Variants in PLXNA2 observed in about 807,000 individuals in gnomAD.
The protein encoded by PLXNA2 is plexin A2.
Under a neutral mutation model 193.5 loss-of-function variants are expected in PLXNA2, and 91 were observed. The observed-to-expected ratio is 0.47, with a 90% CI of 0.40 to 0.56. The LOEUF is 0.56. PLXNA2 is among the 20% of genes least tolerant of loss of function. PLXNA2 has a pLI of 0.00. For missense variants in PLXNA2, 1,995 were observed against 2,503.2 expected, an observed-to-expected ratio of 0.80 and a Z score of 4.33; for synonymous variants, 997 against 1,027.3, an observed-to-expected ratio of 0.97 and a Z score of 0.56.
chr1:208,187,207 C>A (rs1670036528), intron 3 of PLXNA2, among the ~76,000 whole-genome samples: 1 of 152,134 alleles, frequency 6.6e-6, no homozygotes, highest in Admixed American at 6.5e-5. Context: ...TAGTGACTGT[C>A]ATGAGGATTA....
rs1173447905 is a variant in PLXNA2 at position 208,224,313 on chromosome 1, G to A, written c.-80-6311C>T. 2.0e-5 allele frequency among the ~76,000 whole-genome samples: 3 copies of A among 147,090 alleles called. No individual in the cohort carries two copies. The East Asian group carries it at 6.2e-4, about 31-fold the overall frequency. ...GCGTCTATAATATTATTATTCAAAT[G>A]CCCATGATTCTCATTGAGAACCAAG... On this transcript the variant is annotated intron_variant, in intron 1 of 31. Transcript: ENST00000367033.
intron 3 of PLXNA2, among the ~76,000 whole-genome samples, chr1:208,209,703 T>G (rs1670863578): frequency 6.6e-6 from 1 of 152,098 alleles, no homozygotes; most frequent in South Asian, 2.1e-4. Flanking sequence ...AGCTTACATC[T>G]GGGTGGGGAG....
At chr1:208,218,101 G>T (rs980279620) in intron 1 of PLXNA2, 99 bp from the exon 2 acceptor site, 2 of 975,566 alleles carry the variant, frequency 2.1e-6, no homozygotes, top group Non-Finnish European at 3.0e-6. Context: ...TTAGCTCTGT[G>T]AGTCTCCTCC....
At chr1:208,227,307 T>C (rs1671542751) in intron 1 of PLXNA2, among the ~76,000 whole-genome samples, 1 of 152,202 alleles carries the variant, frequency 6.6e-6, no homozygotes, top group Admixed American at 6.5e-5. Context: ...CTATGCTACA[T>C]GCCCTGTATA....
chr1:208,063,746 T>G (rs879209581), intron 12 of PLXNA2, among the ~76,000 whole-genome samples: 1 of 152,174 alleles, frequency 6.6e-6, no homozygotes, highest in Admixed American at 6.5e-5. Flanking sequence ...ACACAGCTTA[T>G]AGCTTCCTTG....
Position 208,109,808 on chromosome 1 carries a change from C to T in PLXNA2, c.1507-6561G>A, listed in dbSNP as rs969792536. 7.2e-5 allele frequency among the ~76,000 whole-genome samples: 11 copies of T among 152,272 alleles called. No individual in the cohort carries two copies. In the East Asian group the frequency reaches 7.7e-4, roughly 11 times the overall value. On this transcript the variant is annotated intron_variant, in intron 4 of 31. Transcript: ENST00000367033. ...TGGCCCAGGAGTCCACTGCGAGATC[C>T]GAGGCAAGAGCAGAGCGGGGATCAG...
chr1:208,113,399 G>A (rs1291389377), intron 4 of PLXNA2, among the ~76,000 whole-genome samples: 1 of 152,162 alleles, frequency 6.6e-6, no homozygotes, highest in East Asian at 1.9e-4. Flanking sequence ...CACAGAGCTT[G>A]ACTTCTTCCA....
intron 3 of PLXNA2, among the ~76,000 whole-genome samples, chr1:208,160,329 G>A (rs1468996373): frequency 6.6e-6 from 1 of 152,200 alleles, no homozygotes; most frequent in Non-Finnish European, 1.5e-5. Flanking sequence ...ATAAGGTTCT[G>A]GGTTCAAGTT....
At chr1:208,126,625 A>G (rs1558205756) in intron 4 of PLXNA2, among the ~76,000 whole-genome samples, 1 of 152,192 alleles carries the variant, frequency 6.6e-6, no homozygotes, top group Non-Finnish European at 1.5e-5. Context: ...AGGCTTAATG[A>G]GGACAGGTAA....
At chr1:208,220,834 C>T (rs1671306187) in intron 1 of PLXNA2, among the ~76,000 whole-genome samples, 1 of 152,166 alleles carries the variant, frequency 6.6e-6, no homozygotes. Flanking sequence ...CTTCCTTTCC[C>T]ACCCACAATG....
At chr1:208,130,004 T>G (rs1441342770) in intron 4 of PLXNA2, among the ~76,000 whole-genome samples, 1 of 152,206 alleles carries the variant, frequency 6.6e-6, no homozygotes, top group African/African-American at 2.4e-5. Flanking sequence ...CCCAGACTGT[T>G]TGCTAAGTCA....
At position 208,217,833 on chromosome 1, in the gene PLXNA2, G is replaced by C; in HGVS notation, c.90C>G (p.Pro30=). 1.2e-6 allele frequency: 2 copies of C among 1,614,076 alleles called. No homozygotes were observed. The highest frequency in any genetic ancestry group is 8.5e-7 in the Non-Finnish European group (1 of 1,180,024). The change falls in exon 2 of 32, where the codon CCC becomes CCG. Residue 30 remains proline, a synonymous_variant. Transcript: ENST00000367033. The surrounding 1 kb of genome is among the most constrained non-coding windows in gnomAD (Gnocchi z 4.7). The part of the protein sequence containing the change: ...LLSVVWVLLA[P]PAAGMPQFST... ...TGAACTGAGGCATGCCGGCTGCTGG[G>C]GGGGCCAGCAGCACCCAGACCACTG...
chr1:208,048,325 A>G (rs1665145354), intron 17 of PLXNA2, among the ~76,000 whole-genome samples: 1 of 152,212 alleles, frequency 6.6e-6, no homozygotes, highest in Non-Finnish European at 1.5e-5. Flanking sequence ...CTGGGGCCCA[A>G]CCAGGCAGGG....
intron 1 of PLXNA2, among the ~76,000 whole-genome samples, chr1:208,234,089 G>A (rs996271236): frequency 1.8e-4 from 27 of 152,052 alleles, no homozygotes; most frequent in African/African-American, 5.8e-4. Context: ...GGGGACAAGA[G>A]ACCGAAAAGA....
intron 3 of PLXNA2, among the ~76,000 whole-genome samples, chr1:208,186,708 A>ATTTTGT (rs368056918): frequency 9.0e-6 from 1 of 111,698 alleles, no homozygotes. Context: ...TTGCAATGTT[A>ATTTTGT]TTTTATTTTT....
Position 208,038,551 on chromosome 1 carries a change from C to T in PLXNA2, c.4661-77G>A. 1 of 1,160,488 alleles carries T rather than the reference C, an allele frequency of 8.6e-7. No homozygotes were observed. Among genetic ancestry groups the T allele is most frequent in the Non-Finnish European group, 1.3e-6 (1 of 770,798 alleles). The allele number at this position is 1,160,488 out of a possible 1,614,324, so 71.9% of individuals were successfully genotyped here. ...AGCCAGTGTCTCCCGATTGCACCTT[C>T]TCTAGGGACCTGGCAACCCGGCCCC... On this transcript the variant is annotated intron_variant, in intron 25 of 31. Coordinates refer to ENST00000367033, the MANE Select transcript of PLXNA2 (RefSeq NM_025179.4). This position sits in a 1 kb window ranked among gnomAD's most constrained non-coding sequence, Gnocchi z 4.1.
At chr1:208,108,319 A>T (rs965567856) in intron 4 of PLXNA2, among the ~76,000 whole-genome samples, 5 of 152,200 alleles carry the variant, frequency 3.3e-5, no homozygotes, top group African/African-American at 7.2e-5. Flanking sequence ...GCACACCTGT[A>T]GTGTTTGGAC....
intron 1 of PLXNA2, among the ~76,000 whole-genome samples, chr1:208,237,812 T>A (rs1671915723): frequency 6.6e-6 from 1 of 152,216 alleles, no homozygotes; most frequent in East Asian, 1.9e-4. Flanking sequence ...TGGGGGTACT[T>A]GGCTATGCAA....
At chr1:208,080,150 A>G (rs150763034) in intron 11 of PLXNA2, among the ~76,000 whole-genome samples, 33 of 152,244 alleles carry the variant, frequency 2.2e-4, no homozygotes, top group African/African-American at 7.7e-4. Flanking sequence ...TTGAGACGGG[A>G]GTCAGCTTGG....
Sources: gnomAD v4.1 joint callset for allele counts (sites outside exome capture counted in the v4.1 genomes callset) on GRCh38, gnomAD v4.1.1 for gene constraint, Gnocchi (gnomAD v3.1) non-coding constraint, MANE v1.5 for transcripts, NCBI Gene and HGNC (gene_info 2026-07-23, HGNC 2026-07-21) for gene names.